Variants in CENPW observed in about 807,000 individuals in gnomAD.
The protein encoded by CENPW is cancer-up-regulated gene 2 protein.
A neutral mutation model predicts 11.1 loss-of-function variants in CENPW; 3 were observed. That is an observed-to-expected ratio of 0.27 (90% confidence interval 0.12 to 0.70). CENPW has a LOEUF of 0.70. Among genes scored for constraint, CENPW ranks in the 30% least tolerant of loss-of-function variants. The pLI is 0.77. For synonymous variants in CENPW, 38 were observed against 42.0 expected, an observed-to-expected ratio of 0.91 and a Z score of 0.37; for missense variants, 100 against 105.6, an observed-to-expected ratio of 0.95 and a Z score of 0.23.
the CENPW span, among the ~76,000 whole-genome samples, chr6:126,442,583 A>G: frequency 6.6e-6 from 1 of 151,302 alleles, no homozygotes; most frequent in Non-Finnish European, 1.5e-5. Context: ...TTTAAATACT[A>G]TCTCACTTAA....
At chr6:126,406,320 T>A in the CENPW span, among the ~76,000 whole-genome samples, 3 of 152,172 alleles carry the variant, frequency 2.0e-5, no homozygotes, top group African/African-American at 7.2e-5. Flanking sequence ...ATAAATTTAT[T>A]GATATGTTGT....
the CENPW span, among the ~76,000 whole-genome samples, chr6:126,466,818 A>T: frequency 6.6e-6 from 1 of 152,172 alleles, no homozygotes; most frequent in Admixed American, 6.6e-5. Context: ...ATGTACAAAA[A>T]TCACTAGCAT....
rs1780275724 is a variant in CENPW at position 126,340,298 on chromosome 6, C to A, written c.25C>A (p.Gln9Lys). The A allele has an allele frequency of 6.2e-7, 1 of 1,613,896 alleles. No individual in the cohort carries two copies. Among genetic ancestry groups the A allele is most frequent in the African/African-American group, 1.3e-5 (1 of 75,028 alleles). The change falls in exon 1 of 3, where the codon CAG becomes AAG. Residue 9 changes from glutamine (Q) to lysine (K), a missense_variant. Coordinates refer to ENST00000368328, the MANE Select transcript of CENPW (RefSeq NM_001012507.4). Reference protein sequence around the residue: MALSTIVSQRKQIKRKAPR... With the variant: MALSTIVSKRKQIKRKAPR... ...GATGGCGCTGTCGACCATAGTCTCC[C>A]AGAGGAAGCAGATAAAGCGGAAGGC...
At chr6:126,426,806 C>T in the CENPW span, among the ~76,000 whole-genome samples, 4 of 152,146 alleles carry the variant, frequency 2.6e-5, no homozygotes, top group Admixed American at 2.6e-4. Context: ...CTCCTTGTCA[C>T]ACTTTTACAG....
chr6:126,413,227 A>G, the CENPW span, among the ~76,000 whole-genome samples: 2 of 152,180 alleles, frequency 1.3e-5, no homozygotes, highest in Non-Finnish European at 2.9e-5. Context: ...TAACCAGGAA[A>G]CTCAAAAATC....
chr6:126,457,135 C>G, the CENPW span, among the ~76,000 whole-genome samples: 1 of 151,074 alleles, frequency 6.6e-6, no homozygotes, highest in Admixed American at 6.6e-5. Flanking sequence ...AGTAATGTAG[C>G]GATCTCCAAA....
At chr6:126,408,165 A>G in the CENPW span, among the ~76,000 whole-genome samples, 1 of 152,170 alleles carries the variant, frequency 6.6e-6, no homozygotes, top group African/African-American at 2.4e-5. Flanking sequence ...TGGTGCTGGG[A>G]AAACTGGCTA....
chr6:126,471,141 C>A, the CENPW span, among the ~76,000 whole-genome samples: 1 of 152,130 alleles, frequency 6.6e-6, no homozygotes, highest in Admixed American at 6.5e-5. Context: ...TGTGTCCCTA[C>A]CCAAATCTTA....
chr6:126,420,974 T>C, the CENPW span, among the ~76,000 whole-genome samples: 50 of 152,266 alleles, frequency 3.3e-4, no homozygotes, highest in South Asian at 4.1e-3. Flanking sequence ...GGGAATTATA[T>C]ATGATCAAGA....
the CENPW span, among the ~76,000 whole-genome samples, chr6:126,440,432 C>T: frequency 6.6e-6 from 1 of 151,522 alleles, no homozygotes. Flanking sequence ...AATTTAGTAA[C>T]ATTTATGTTG....
chr6:126,444,175 AT>A, the CENPW span, among the ~76,000 whole-genome samples: 2 of 143,054 alleles, frequency 1.4e-5, no homozygotes, highest in African/African-American at 5.2e-5. Flanking sequence ...TCTTCTGGTT[AT>A]TTTTTTTCTA....
chr6:126,377,106 A>G, the CENPW span, among the ~76,000 whole-genome samples: 1 of 152,172 alleles, frequency 6.6e-6, no homozygotes, highest in Non-Finnish European at 1.5e-5. Context: ...TTGTGTGGAG[A>G]GTAGAGAGTA....
the CENPW span, among the ~76,000 whole-genome samples, chr6:126,412,075 C>T: frequency 8.5e-6 from 1 of 117,174 alleles, no homozygotes; most frequent in East Asian, 3.0e-4. Context: ...TCCCTCCTTT[C>T]TCTCTCTCTC....
the CENPW span, among the ~76,000 whole-genome samples, chr6:126,419,458 T>C: frequency 3.3e-5 from 5 of 152,072 alleles, no homozygotes; most frequent in East Asian, 9.6e-4. Flanking sequence ...ACAGTGAGTA[T>C]AAAAAAACAA....
At chr6:126,366,910 C>T in the CENPW span, among the ~76,000 whole-genome samples, 1 of 152,130 alleles carries the variant, frequency 6.6e-6, no homozygotes, top group Non-Finnish European at 1.5e-5. Flanking sequence ...CACAAGAGAG[C>T]AAGAGATGGA....
At chr6:126,354,079 C>G in the CENPW span, among the ~76,000 whole-genome samples, 1 of 150,070 alleles carries the variant, frequency 6.7e-6, no homozygotes, top group Non-Finnish European at 1.5e-5. Context: ...TTTTTCTTGG[C>G]TTTTGATCAT....
the CENPW span, among the ~76,000 whole-genome samples, chr6:126,451,687 C>T: frequency 6.6e-6 from 1 of 151,112 alleles, no homozygotes; most frequent in South Asian, 2.1e-4. Flanking sequence ...GATAAACACC[C>T]TCCTCCCCTC....
the CENPW span, among the ~76,000 whole-genome samples, chr6:126,480,098 C>T: frequency 6.6e-6 from 1 of 151,928 alleles, no homozygotes; most frequent in Non-Finnish European, 1.5e-5. Flanking sequence ...CTCCTACTTC[C>T]CCTTGCCATA....
the CENPW span, among the ~76,000 whole-genome samples, chr6:126,434,260 A>G: frequency 6.6e-6 from 1 of 152,058 alleles, no homozygotes; most frequent in Non-Finnish European, 1.5e-5. Flanking sequence ...AGCAGGCCAA[A>G]TCCTAGTTTT....
Sources: gnomAD v4.1 joint callset for allele counts (sites outside exome capture counted in the v4.1 genomes callset) on GRCh38, gnomAD v4.1.1 for gene constraint, MANE v1.5 for transcripts, NCBI Gene and HGNC (gene_info 2026-07-23, HGNC 2026-07-21) for gene names.